The following PPM1H variants were observed in gnomAD, a reference collection of about 807,000 sequenced individuals.
The protein encoded by PPM1H is protein phosphatase, Mg2+/Mn2+ dependent 1H, also known as protein phosphatase 1H.
PPM1H carries 27 observed loss-of-function variants against 54.9 expected under a neutral mutation model. The observed-to-expected ratio is 0.49, with a 90% CI of 0.36 to 0.68. The LOEUF (loss-of-function observed/expected upper bound fraction) is 0.68, where lower values mean the gene tolerates loss of function less well. Ranked by LOEUF, PPM1H falls within the 30% of genes least tolerant of loss-of-function variation. The pLI is 0.00. For missense variants in PPM1H, 596 were observed against 667.8 expected, an observed-to-expected ratio of 0.89 and a Z score of 1.19; for synonymous variants, 305 against 270.8, an observed-to-expected ratio of 1.13 and a Z score of -1.24.
intron 5 of PPM1H, among the ~76,000 whole-genome samples, chr12:62,727,902 C>T (rs1157789066): frequency 6.6e-6 from 1 of 151,782 alleles, no homozygotes; most frequent in Non-Finnish European, 1.5e-5. Context: ...CTCAGGTGAT[C>T]CATTCCCCTC....
At chr12:62,870,798 A>G (rs1237756790) in intron 1 of PPM1H, among the ~76,000 whole-genome samples, 1 of 152,228 alleles carries the variant, frequency 6.6e-6, no homozygotes, top group African/African-American at 2.4e-5. Flanking sequence ...AATGGCCAAT[A>G]AGCACAGGGA....
intron 8 of PPM1H, among the ~76,000 whole-genome samples, chr12:62,681,033 G>A (rs2076016661): frequency 6.6e-6 from 1 of 152,162 alleles, no homozygotes; most frequent in Admixed American, 6.5e-5. Flanking sequence ...AGAGCCCACA[G>A]CTATTCCATG....
At chr12:62,824,712 A>C (rs1365390290) in intron 2 of PPM1H, among the ~76,000 whole-genome samples, 1 of 152,226 alleles carries the variant, frequency 6.6e-6, no homozygotes, top group Admixed American at 6.5e-5. Flanking sequence ...AGAAAGCTGA[A>C]ACTGGATCCC....
At chr12:62,742,366 C>G (rs1334523337) in intron 4 of PPM1H, among the ~76,000 whole-genome samples, 1 of 152,200 alleles carries the variant, frequency 6.6e-6, no homozygotes, top group Non-Finnish European at 1.5e-5. Context: ...ATGCCTCTTC[C>G]TATGTGATCC....
intron 9 of PPM1H, among the ~76,000 whole-genome samples, chr12:62,665,869 T>C (rs569435091): frequency 6.6e-6 from 1 of 151,606 alleles, no homozygotes; most frequent in Non-Finnish European, 1.5e-5. Flanking sequence ...CCCTGAGTAG[T>C]TGGAACCACA....
At chr12:62,683,803 G>C (rs1235921734) in intron 8 of PPM1H, among the ~76,000 whole-genome samples, 2 of 152,178 alleles carry the variant, frequency 1.3e-5, no homozygotes, top group South Asian at 4.1e-4. Context: ...GTCTTTGAGT[G>C]GAGGCTGGAA....
intron 8 of PPM1H, among the ~76,000 whole-genome samples, chr12:62,683,864 G>A (rs937624886): frequency 1.1e-4 from 16 of 152,178 alleles, no homozygotes; most frequent in African/African-American, 3.4e-4. Flanking sequence ...CCTGTCACTG[G>A]CCAAGAAGGG....
intron 1 of PPM1H, among the ~76,000 whole-genome samples, chr12:62,866,782 G>A (rs1186380689): frequency 6.6e-6 from 1 of 152,088 alleles, no homozygotes; most frequent in East Asian, 1.9e-4. Context: ...TTAGGCCACT[G>A]AGACTGGGAT....
chr12:62,754,252 GAAGGA>G (rs991948001), intron 4 of PPM1H, among the ~76,000 whole-genome samples: 1 of 152,038 alleles, frequency 6.6e-6, no homozygotes, highest in African/African-American at 2.4e-5. Flanking sequence ...TGCACTGTGA[GAAGGA>G]GAGAGTTGGT....
At chr12:62,699,762 G>A (rs2076133781) in intron 6 of PPM1H, among the ~76,000 whole-genome samples, 1 of 152,114 alleles carries the variant, frequency 6.6e-6, no homozygotes, top group African/African-American at 2.4e-5. Context: ...TCTCCATCTT[G>A]TCCAAAAGGC....
chr12:62,893,368 C>T (rs1158439821), intron 1 of PPM1H, among the ~76,000 whole-genome samples: 1 of 152,068 alleles, frequency 6.6e-6, no homozygotes, highest in Non-Finnish European at 1.5e-5. Context: ...GGTGGTCTTC[C>T]CTGTCTGCAT....
chr12:62,815,495 A>T (rs1357036618), intron 2 of PPM1H, among the ~76,000 whole-genome samples: 2 of 152,218 alleles, frequency 1.3e-5, no homozygotes, highest in Non-Finnish European at 2.9e-5. Flanking sequence ...TCAACTCGAG[A>T]ATATTCTTAA....
In PPM1H at chr12:62,934,711, A is replaced by T. The variant is rs773172191; in HGVS notation, c.26T>A (p.Val9Glu). The T allele has an allele frequency of 1.2e-6, 2 of 1,605,174 alleles. No individual in the cohort carries two copies. The highest frequency in any genetic ancestry group is 1.7e-6 in the Non-Finnish European group (2 of 1,175,264). The change falls in exon 1 of 10, where the codon GTG becomes GAG. Residue 9 changes from valine (V) to glutamate (E), a missense_variant. Around this residue, in one of 3 missense-constraint regions of PPM1H, gnomAD observed 382 missense variants for 387.1 expected, o/e 0.99. Transcript: ENST00000228705. This position sits in a 1 kb window ranked among gnomAD's most constrained non-coding sequence, Gnocchi z 4.2. The stretch of plus-strand genomic sequence containing the variant: ...CATGATGCCGCCCATGAAATTGGCC[A>T]CGGCAGATTTCACTCGAGTGAGCAT... MLTRVKSA[V>E]ANFMGGIMAG...
At chr12:62,793,739 T>C (rs1345373382) in intron 3 of PPM1H, among the ~76,000 whole-genome samples, 2 of 51,424 alleles carry the variant, frequency 3.9e-5, no homozygotes, top group Admixed American at 4.7e-4. Context: ...AAACTCCGTT[T>C]CAAAAAAAAA....
rs5798665 is a variant in PPM1H, at chr12:62,890,717, TACACACACACACACACACAC to T, written c.245+43755_245+43774del. Among the ~76,000 whole-genome samples, 46 of 143,292 alleles carry T rather than the reference TACACACACACACACACACAC, an allele frequency of 3.2e-4. 1 individual carries two copies. The highest frequency in any genetic ancestry group is 1.1e-3 in the African/African-American group (45 of 39,318). The allele number at this position is 143,292 out of a possible 152,430, so 94.0% of individuals were successfully genotyped here. A position where few individuals can be genotyped will look rare whatever the true frequency, so the allele number is the denominator to read the frequency against. On this transcript the variant is annotated intron_variant, in intron 1 of 9. Coordinates refer to ENST00000228705, the MANE Select transcript of PPM1H (RefSeq NM_020700.2). ...TATAATATCATTTCGTGTGTGTGTA[TACACACACACACACACACAC>T]ACACACACACACACACACATATATA...
chr12:62,869,813 C>T (rs1869916211), intron 1 of PPM1H, among the ~76,000 whole-genome samples: 1 of 152,170 alleles, frequency 6.6e-6, no homozygotes, highest in Admixed American at 6.5e-5. Context: ...TCAAACACAT[C>T]ATAATATTTT....
At chr12:62,736,930 G>C (rs758533904) in intron 5 of PPM1H, among the ~76,000 whole-genome samples, 1 of 152,124 alleles carries the variant, frequency 6.6e-6, no homozygotes, top group African/African-American at 2.4e-5. Flanking sequence ...AACTGAGCCC[G>C]CTCATAATTT....
chr12:62,692,165 G>A (rs984381446), intron 7 of PPM1H, among the ~76,000 whole-genome samples: 4 of 152,162 alleles, frequency 2.6e-5, no homozygotes, highest in African/African-American at 7.2e-5. Flanking sequence ...TCCCAGTCCA[G>A]GATCTAGAAG....
chr12:62,902,388 AT>A (rs1413077417), intron 1 of PPM1H, among the ~76,000 whole-genome samples: 4 of 151,714 alleles, frequency 2.6e-5, no homozygotes, highest in African/African-American at 9.7e-5. Context: ...AAATAAAAAA[AT>A]AATAAAAATA....
Sources: allele counts gnomAD v4.1 joint callset (sites outside exome capture counted in the v4.1 genomes callset), GRCh38; gene constraint gnomAD v4.1.1; regional missense constraint gnomAD v4.1.1; non-coding constraint Gnocchi (gnomAD v3.1); transcripts MANE v1.5; gene names NCBI Gene and HGNC (gene_info 2026-07-23, HGNC 2026-07-21).